The following INPP5K variants were observed in gnomAD, a reference collection of about 807,000 sequenced individuals.
The protein encoded by INPP5K is inositol polyphosphate-5-phosphatase K, also known as inositol polyphosphate 5-phosphatase K.
In INPP5K, 35 loss-of-function variants were observed where a neutral mutation model predicts 53.5. That is an observed-to-expected ratio of 0.65 (90% CI 0.50 to 0.87). The LOEUF is 0.87. INPP5K is among the 40% of genes least tolerant of loss of function. INPP5K has a pLI of 0.00. For synonymous variants in INPP5K, 253 were observed against 232.8 expected (o/e 1.09, Z -0.79); for missense variants, 550 against 586.2 (o/e 0.94, Z 0.64).
At chr17:1,498,936 A>T (rs2074933257) in intron 7 of INPP5K, among the ~76,000 whole-genome samples, 1 of 152,156 alleles carries the variant, frequency 6.6e-6, no homozygotes, top group Non-Finnish European at 1.5e-5. Context: ...ACTGAGACTT[A>T]GCTTAGAGGG....
chr17:1,495,952 C>A, intron 11 of INPP5K, 73 bp from the exon 12 acceptor site: 1 of 1,438,758 alleles, frequency 7.0e-7, no homozygotes, highest in South Asian at 1.1e-5. Context: ...CCCGTTCCTG[C>A]ACTGCAGCGG....
At chr17:1,505,085 C>T (rs771291821) in intron 7 of INPP5K, among the ~76,000 whole-genome samples, 8 of 152,184 alleles carry the variant, frequency 5.3e-5, no homozygotes, top group African/African-American at 1.4e-4. Context: ...GAGAAGGGGA[C>T]GCCTGGCCGT....
At position 1,496,712 on chromosome 17, in the gene INPP5K, G is replaced by A; in HGVS notation, c.1055C>T (p.Thr352Ile). The A allele has an allele frequency of 6.2e-7, 1 of 1,614,216 alleles. No individual in the cohort carries two copies. The highest frequency in any genetic ancestry group is 8.5e-7 in the Non-Finnish European group (1 of 1,180,036). The change falls in exon 9 of 12, where the codon ACC (threonine) becomes ATC (isoleucine). Residue 352 changes from threonine (T) to isoleucine (I), a missense_variant. Physicochemically the swap from Thr to Ile is moderately conservative, Grantham distance 89 (BLOSUM62 -1). Coordinates refer to ENST00000421807, the MANE Select transcript of INPP5K (RefSeq NM_016532.4). ...ENDMMVSYSSTSDFPSSPWDW... is the reference protein window; with the variant it reads ...ENDMMVSYSSISDFPSSPWDW... The stretch of plus-strand genomic sequence containing the variant: ...CCACGGGCTGCTGGGGAAGTCCGAG[G>A]TTGAAGAGTAGCTGACCATCATGTC...
At chr17:1,497,911 A>G (rs2150978459) in intron 8 of INPP5K, 25 bp downstream of exon 8, 4 of 1,595,616 alleles carry the variant, frequency 2.5e-6, no homozygotes, top group Non-Finnish European at 3.4e-6. Flanking sequence ...TCCTCTGGCA[A>G]GTATCAGGCA....
chr17:1,509,733 T>C lies in INPP5K; in HGVS notation c.328A>G (p.Ile110Val), dbSNP rs762549376. 20 of 1,613,730 alleles carry C rather than the reference T, an allele frequency of 1.2e-5. No individual in the cohort carries two copies. Among genetic ancestry groups the C allele is most frequent in the East Asian group, 4.5e-5 (2 of 44,886 alleles). The change falls in exon 4 of 12, where the codon ATC (isoleucine) becomes GTC (valine). Residue 110 changes from isoleucine (I) to valine (V), a missense_variant. By Grantham distance (29) the Ile-to-Val change is conservative. Coordinates refer to ENST00000421807, the MANE Select transcript of INPP5K (RefSeq NM_016532.4). Reference sequence around the variant, plus strand: ...GTGGATTTAGTAGACAGAATCTGGATATAGGGCAAATGCTGATACTTGGCA... The same window carrying C: ...GTGGATTTAGTAGACAGAATCTGGACATAGGGCAAATGCTGATACTTGGCA... ...VFAKYQHLPY[I>V]QILSTKSTPT...
chr17:1,512,692 C>T (rs188200885), intron 3 of INPP5K, among the ~76,000 whole-genome samples: 7 of 152,278 alleles, frequency 4.6e-5, no homozygotes, highest in Non-Finnish European at 7.4e-5. Context: ...GACTCTCCTA[C>T]TGTCTAAAGA....
intron 7 of INPP5K, among the ~76,000 whole-genome samples, chr17:1,502,350 A>C (rs2075047500): frequency 6.6e-6 from 1 of 151,928 alleles, no homozygotes; most frequent in Non-Finnish European, 1.5e-5. Context: ...CTCCGTCTCA[A>C]ACAAACAAAC....
rs143548498 is a variant in INPP5K at position 1,510,782 on chromosome 17, A to T, written c.262-983T>A. Among the ~76,000 whole-genome samples, 300 of 152,148 alleles carry T rather than the reference A, an allele frequency of 2.0e-3. 3 individuals carry two copies. The highest frequency in any genetic ancestry group is 6.9e-3 in the African/African-American group (286 of 41,522). On this transcript the variant is annotated intron_variant, in intron 3 of 11. Coordinates refer to ENST00000421807, the MANE Select transcript of INPP5K (RefSeq NM_016532.4). ...GCTAGGACCACAGGTGTGCACCAAC[A>T]TGCCCGGCTATTTTTGTTTGTTTTG...
At chr17:1,511,565 A>C (rs2075310820) in intron 3 of INPP5K, among the ~76,000 whole-genome samples, 1 of 152,182 alleles carries the variant, frequency 6.6e-6, no homozygotes. Context: ...GGGAACCTCA[A>C]ACCCAGCACT....
intron 1 of INPP5K, 42 bp from the exon 2 acceptor site, chr17:1,514,021 TAAGATAGTGC>T (rs752426129): frequency 1.8e-4 from 253 of 1,422,888 alleles, no homozygotes; most frequent in Non-Finnish European, 2.4e-4. Flanking sequence ...GGAAGGAGGA[TAAGATAGTGC>T]ACGGGGTCGG....
chr17:1,503,379 T>C (rs1422021045), intron 7 of INPP5K, among the ~76,000 whole-genome samples: 3 of 151,076 alleles, frequency 2.0e-5, no homozygotes, highest in Non-Finnish European at 4.4e-5. Context: ...AGAGACGGGG[T>C]TTCACCGTGT....
rs1360168634 is a variant in INPP5K, at chr17:1,506,963, C to G, written c.776+17G>C. The stretch of plus-strand genomic sequence containing the variant: ...ACCTGACTTCCTAGACCTTCTGGCC[C>G]CCCACTCCCTCCTCACCTGGTGTCA... On this transcript the variant is annotated intron_variant, in intron 7 of 11. Coordinates refer to ENST00000421807, the MANE Select transcript of INPP5K (RefSeq NM_016532.4). The G allele has an allele frequency of 2.5e-6, 4 of 1,577,718 alleles. No individual in the cohort carries two copies. The highest frequency in any genetic ancestry group is 3.5e-6 in the Non-Finnish European group (4 of 1,147,452).
At chr17:1,496,534 C>T (rs2074847332) in intron 9 of INPP5K, 132 bp from the exon 10 acceptor site, 1 of 1,388,058 alleles carries the variant, frequency 7.2e-7, no homozygotes, top group African/African-American at 1.4e-5. Flanking sequence ...TCACTGCCAG[C>T]CTTTAGCTAC....
chr17:1,512,771 T>G (rs953410116), intron 3 of INPP5K, among the ~76,000 whole-genome samples: 9 of 151,972 alleles, frequency 5.9e-5, no homozygotes, highest in African/African-American at 2.2e-4. Flanking sequence ...CTGACTCCCC[T>G]CTCCTAACCT....
rs771881400 is a variant in INPP5K, at chr17:1,508,173, T to A, written c.608A>T (p.His203Leu). The A allele has an allele frequency of 1.2e-5, 20 of 1,613,936 alleles. No individual in the cohort carries two copies. Among genetic ancestry groups the A allele is most frequent in the Admixed American group, 5.0e-5 (3 of 59,996 alleles). ...ATTTTTAATGGATTCCCGAACAAAGTGCAACCCAAAGTCCTCGATCCGAAA... is the reference window on the plus strand; with the variant it reads ...ATTTTTAATGGATTCCCGAACAAAGAGCAACCCAAAGTCCTCGATCCGAAA... ...MNFRIEDFGLHFVRESIKNRC... is the reference protein window; with the variant it reads ...MNFRIEDFGLLFVRESIKNRC... The change falls in exon 6 of 12, where the codon CAC becomes CTC. Residue 203 changes from histidine (H) to leucine (L), a missense_variant. Transcript: ENST00000421807.
Position 1,506,982 on chromosome 17 carries a change from G to A in INPP5K, c.774C>T (p.Thr258=), listed in dbSNP as rs2075172640. The A allele has an allele frequency of 6.2e-7, 1 of 1,610,332 alleles. No homozygotes were observed. Among genetic ancestry groups the A allele is most frequent in the Non-Finnish European group, 8.5e-7 (1 of 1,176,700 alleles). Residue 258 remains threonine, a splice_region_variant and synonymous_variant, in exon 7 of 12, where the codon ACC becomes ACT. Coordinates refer to ENST00000421807, the MANE Select transcript of INPP5K (RefSeq NM_016532.4). ...KFDRNSNDYD[T]SEKKRKPAWT... ...CTGGCCCCCCACTCCCTCCTCACCT[G>A]GTGTCATAGTCGTTGGAGTTCCTAT...
Position 1,516,308 on chromosome 17 carries a change from C to T in INPP5K, c.44+148G>A, listed in dbSNP as rs1163783911. On this transcript the variant is annotated intron_variant, in intron 1 of 11. Transcript: ENST00000421807. ...GCGCGAGGCTCGGGCCCAACACAGC[C>T]CACCTGACACAGGCGTGGGAGAAGG... 4.0e-6 allele frequency: 4 copies of T among 1,000,880 alleles called. No individual in the cohort carries two copies. In the African/African-American group the frequency reaches 6.8e-5, roughly 17 times the overall value. The allele number at this position is 1,000,880 out of a possible 1,614,324, so 62.0% of individuals were successfully genotyped here. A position where few individuals can be genotyped will look rare whatever the true frequency, so the allele number is the denominator to read the frequency against.
intron 1 of INPP5K, chr17:1,515,871 T>A (rs1229488906): frequency 6.2e-6 from 6 of 974,796 alleles, no homozygotes; most frequent in Non-Finnish European, 7.3e-6. Flanking sequence ...CTCAGAGACT[T>A]CTTTTCCCAG....
chr17:1,506,106 C>T (rs2150986604), intron 7 of INPP5K, among the ~76,000 whole-genome samples: 1 of 151,720 alleles, frequency 6.6e-6, no homozygotes, highest in Non-Finnish European at 1.5e-5. Flanking sequence ...TCACGGCAAC[C>T]TCTGCCTCTT....
Sources: allele counts gnomAD v4.1 joint callset (sites outside exome capture counted in the v4.1 genomes callset), GRCh38; gene constraint gnomAD v4.1.1; transcripts MANE v1.5; gene names NCBI Gene and HGNC (gene_info 2026-07-23, HGNC 2026-07-21).